Variants in FSIP1 observed in about 807,000 individuals in gnomAD.
FSIP1 encodes fibrous sheath-interacting protein 1.
FSIP1 carries 65 observed loss-of-function variants against 60.9 expected under a neutral mutation model. The observed-to-expected ratio is 1.07, with a 90% CI of 0.87 to 1.31. The LOEUF is 1.31. Ranked by LOEUF, FSIP1 falls within the 40% of genes most tolerant of loss-of-function variation. FSIP1 has a pLI of 0.00. For missense variants in FSIP1, 675 were observed against 665.5 expected, an observed-to-expected ratio of 1.01 and a Z score of -0.16; for synonymous variants, 209 against 221.2, an observed-to-expected ratio of 0.94 and a Z score of 0.49.
intron 11 of FSIP1, among the ~76,000 whole-genome samples, chr15:39,612,400 A>G (rs1891068454): frequency 6.6e-6 from 1 of 152,158 alleles, no homozygotes; most frequent in African/African-American, 2.4e-5. Context: ...TAAACAAACA[A>G]TAGGTCAGAG....
At chr15:39,683,448 A>T (rs1263051660) in intron 10 of FSIP1, among the ~76,000 whole-genome samples, 2 of 152,216 alleles carry the variant, frequency 1.3e-5, no homozygotes, top group Non-Finnish European at 2.9e-5. Context: ...CATTCTGATA[A>T]CACCTACGTC....
At chr15:39,649,435 C>G (rs578061927) in intron 10 of FSIP1, among the ~76,000 whole-genome samples, 2 of 152,174 alleles carry the variant, frequency 1.3e-5, no homozygotes, top group African/African-American at 2.4e-5. Flanking sequence ...TCTGATAATA[C>G]TTTACTATCC....
rs1306271960 is a variant in FSIP1, at chr15:39,765,738, TG to T, written c.318del (p.Lys107AsnfsTer2). ...AGTTGAGAATCTAATTCTTTTAATTTGGGTTCATCTATATTGTGTTGAAAGT... is the reference window on the plus strand; with the variant it reads ...AGTTGAGAATCTAATTCTTTTAATTTGGTTCATCTATATTGTGTTGAAAGT... ...HQIISECSDEPKLKELDSQLQ... is the reference protein window; with the variant it reads ...HQIISECSDEXKLKELDSQLQ... On this transcript the variant is annotated frameshift_variant, in exon 4 of 12. Transcript: ENST00000350221. LOFTEE classifies it high-confidence loss of function. 3.3e-6 allele frequency: 5 copies of T among 1,515,624 alleles called. No individual in the cohort carries two copies. The highest frequency in any genetic ancestry group is 4.5e-6 in the Non-Finnish European group (5 of 1,105,810). The allele number at this position is 1,515,624 out of a possible 1,614,324, so 93.9% of individuals were successfully genotyped here.
intron 10 of FSIP1, among the ~76,000 whole-genome samples, chr15:39,684,248 T>C (rs757836514): frequency 6.6e-6 from 1 of 152,156 alleles, no homozygotes; most frequent in Non-Finnish European, 1.5e-5. Flanking sequence ...GACACATGTG[T>C]GTCTGAAATT....
chr15:39,645,979 A>C (rs1329375468), intron 10 of FSIP1, among the ~76,000 whole-genome samples: 2 of 152,188 alleles, frequency 1.3e-5, no homozygotes, highest in Admixed American at 1.3e-4. Context: ...ACGGGAGAGG[A>C]GACTCATGGT....
intron 10 of FSIP1, among the ~76,000 whole-genome samples, chr15:39,626,481 G>A (rs968598086): frequency 2.0e-5 from 3 of 152,166 alleles, no homozygotes; most frequent in African/African-American, 4.8e-5. Flanking sequence ...CTGCCCGTAG[G>A]TCAGCGATAT....
At chr15:39,669,928 G>T (rs545438088) in intron 10 of FSIP1, among the ~76,000 whole-genome samples, 77 of 152,308 alleles carry the variant, frequency 5.1e-4, no homozygotes, top group Admixed American at 1.2e-3. Context: ...ACTTAATTTA[G>T]TTCTCATATC....
intron 8 of FSIP1, among the ~76,000 whole-genome samples, chr15:39,727,890 T>C (rs763316827): frequency 2.6e-5 from 4 of 152,174 alleles, no homozygotes; most frequent in East Asian, 1.9e-4. Flanking sequence ...AAAAACCCCA[T>C]AGTCTCTGAT....
In FSIP1 at chr15:39,600,593, C is replaced by T. The variant is rs1019636626; in HGVS notation, c.*287G>A. On this transcript the variant is annotated 3_prime_UTR_variant, in exon 12 of 12. Transcript: ENST00000350221. ...CACTTCAACGAGTTTTACCCTAACA[C>T]GTATACATTAAAATGTTGGTTTTTA... is the stretch of plus-strand genomic sequence containing the variant. The T allele has an allele frequency of 3.4e-5, 10 of 293,474 alleles. No homozygotes were observed. The highest frequency in any genetic ancestry group is 1.5e-4 in the East Asian group (2 of 12,960). The allele number at this position is 293,474 out of a possible 1,614,324, so 18.2% of individuals were successfully genotyped here.
intron 10 of FSIP1, among the ~76,000 whole-genome samples, chr15:39,622,896 A>C (rs1402751278): frequency 6.6e-6 from 1 of 152,184 alleles, no homozygotes; most frequent in Non-Finnish European, 1.5e-5. Flanking sequence ...CTCTCCCCGC[A>C]GAACAGTTTA....
At chr15:39,718,825 T>C (rs1402098621) in intron 9 of FSIP1, among the ~76,000 whole-genome samples, 1 of 152,180 alleles carries the variant, frequency 6.6e-6, no homozygotes, top group Non-Finnish European at 1.5e-5. Flanking sequence ...CCAAAGCCAT[T>C]TTTGTCCTGC....
chr15:39,610,823 A>T (rs1286362618), intron 11 of FSIP1, among the ~76,000 whole-genome samples: 1 of 152,208 alleles, frequency 6.6e-6, no homozygotes, highest in East Asian at 1.9e-4. Flanking sequence ...GGATAATATA[A>T]TCAAAGTGTA....
At chr15:39,768,198 G>C (rs1897757561) in intron 3 of FSIP1, among the ~76,000 whole-genome samples, 1 of 152,168 alleles carries the variant, frequency 6.6e-6, no homozygotes. Context: ...GTCCTTCAAG[G>C]GCGATAAGGG....
intron 10 of FSIP1, among the ~76,000 whole-genome samples, chr15:39,689,534 C>T (rs1894514083): frequency 6.6e-6 from 1 of 152,136 alleles, no homozygotes; most frequent in African/African-American, 2.4e-5. Flanking sequence ...ACTCTTTTCA[C>T]TCCAGAGAGT....
intron 9 of FSIP1, among the ~76,000 whole-genome samples, chr15:39,715,798 T>C (rs1218243086): frequency 6.6e-6 from 1 of 152,154 alleles, no homozygotes; most frequent in Non-Finnish European, 1.5e-5. Flanking sequence ...ACTGCTCTCA[T>C]GATTGTGAGT....
chr15:39,726,952 G>A (rs1896224132), intron 8 of FSIP1, among the ~76,000 whole-genome samples: 1 of 152,188 alleles, frequency 6.6e-6, no homozygotes, highest in Non-Finnish European at 1.5e-5. Context: ...CTGCCAGCCT[G>A]TATAAAGTAT....
intron 10 of FSIP1, among the ~76,000 whole-genome samples, chr15:39,629,834 G>C (rs1393992717): frequency 1.3e-5 from 2 of 152,218 alleles, no homozygotes; most frequent in African/African-American, 4.8e-5. Flanking sequence ...ATATCACTTT[G>C]AGCACCCTCA....
Position 39,648,417 on chromosome 15 carries a change from C to A in FSIP1, c.1189-30172G>T, listed in dbSNP as rs899603762. Among the ~76,000 whole-genome samples, 3 of 152,146 alleles carry A rather than the reference C, an allele frequency of 2.0e-5. No individual in the cohort carries two copies. The South Asian group carries it at 6.2e-4, about 32-fold the overall frequency. ...TGATGTAGACCAGTGGTTCCACAAA[C>A]TAGATCATAACCTTAGAAGGTGAGA... is the stretch of plus-strand genomic sequence containing the variant. On this transcript the variant is annotated intron_variant, in intron 10 of 11. Coordinates refer to ENST00000350221, the MANE Select transcript of FSIP1 (RefSeq NM_152597.5).
At chr15:39,664,044 T>C (rs1893402056) in intron 10 of FSIP1, among the ~76,000 whole-genome samples, 5 of 152,122 alleles carry the variant, frequency 3.3e-5, no homozygotes, top group Admixed American at 1.3e-4. Context: ...GAGCAGTACA[T>C]CCCGCAGCAT....
Sources: allele counts gnomAD v4.1 joint callset (sites outside exome capture counted in the v4.1 genomes callset), GRCh38; gene constraint gnomAD v4.1.1; transcripts MANE v1.5; gene names NCBI Gene and HGNC (gene_info 2026-07-23, HGNC 2026-07-21).